Variants in LPAR1 observed in about 807,000 individuals in gnomAD.
LPAR1 encodes lysophosphatidic acid receptor 1.
In LPAR1, 5 loss-of-function variants were observed where a neutral mutation model predicts 23.8. That is an observed-to-expected ratio of 0.21 (90% CI 0.11 to 0.44). The LOEUF (loss-of-function observed/expected upper bound fraction) is 0.44, where lower values mean the gene tolerates loss of function less well. Ranked by LOEUF, LPAR1 falls within the 20% of genes least tolerant of loss-of-function variation. The probability of loss-of-function intolerance (pLI) is 0.99; values close to 1 mark genes in which losing one functional copy is unlikely to be tolerated. For synonymous variants in LPAR1, 160 were observed against 164.7 expected, an observed-to-expected ratio of 0.97 and a Z score of 0.22; for missense variants, 311 against 482.8, an observed-to-expected ratio of 0.64 and a Z score of 3.33.
intron 5 of LPAR1, among the ~76,000 whole-genome samples, chr9:110,905,241 G>A (rs184468261): frequency 6.6e-6 from 1 of 152,288 alleles, no homozygotes; most frequent in African/African-American, 2.4e-5. Context: ...GTCTGCATAG[G>A]TGGCAAGATA....
chr9:110,977,620 A>C (rs1041121507), intron 2 of LPAR1, among the ~76,000 whole-genome samples: 2 of 152,196 alleles, frequency 1.3e-5, no homozygotes, highest in East Asian at 3.9e-4. Context: ...TGACTCATAC[A>C]AGTTTCTTGA....
At chr9:110,997,906 C>T (rs189170515) in intron 2 of LPAR1, among the ~76,000 whole-genome samples, 175 of 152,262 alleles carry the variant, frequency 1.1e-3, no homozygotes, top group African/African-American at 4.1e-3. Flanking sequence ...TTAACAAGCA[C>T]CCAAAGTGGG....
At chr9:110,924,695 G>A (rs1271422188) in intron 5 of LPAR1, among the ~76,000 whole-genome samples, 3 of 151,902 alleles carry the variant, frequency 2.0e-5, no homozygotes, top group Admixed American at 2.0e-4. Context: ...GAAATGTGAT[G>A]TGATTAAAAT....
chr9:110,933,001 T>C (rs1415662687), intron 5 of LPAR1, among the ~76,000 whole-genome samples: 5 of 152,154 alleles, frequency 3.3e-5, no homozygotes, highest in Non-Finnish European at 5.9e-5. Context: ...CCTGTTACAT[T>C]CCAAAGTTCA....
In LPAR1 at chr9:110,970,629, C is replaced by T. The variant is rs115151785; in HGVS notation, c.45+1444G>A. Among the ~76,000 whole-genome samples the T allele has an allele frequency of 5.6e-3, 850 of 152,172 alleles. 9 individuals are homozygous for T. The highest frequency in any genetic ancestry group is 0.019 in the African/African-American group (796 of 41,518). ...CCCAAATGGTGTTGAGGAGAAAACACTATACTATATGAGGGAAAAATGCCC... is the reference window on the plus strand; with the variant it reads ...CCCAAATGGTGTTGAGGAGAAAACATTATACTATATGAGGGAAAAATGCCC... On this transcript the variant is annotated intron_variant, in intron 4 of 5. Coordinates refer to ENST00000683809, the MANE Select transcript of LPAR1 (RefSeq NM_001351411.2).
intron 2 of LPAR1, among the ~76,000 whole-genome samples, chr9:111,004,582 T>A (rs1467342660): frequency 6.6e-6 from 1 of 152,212 alleles, no homozygotes; most frequent in Non-Finnish European, 1.5e-5. Flanking sequence ...CATTAATCAC[T>A]CGTTTTAATT....
At position 111,038,288 on chromosome 9, in the gene LPAR1, G is replaced by C. The variant is rs902409936; in HGVS notation, c.-383C>G. ...GAGCCCGGCCCTCCGCCCGCCCCTC[G>C]GCAGTCGCCCAGAGCGGGGCCGCCC... On this transcript the variant is annotated 5_prime_UTR_variant, in exon 1 of 6. Coordinates refer to ENST00000683809, the MANE Select transcript of LPAR1 (RefSeq NM_001351411.2). This position sits in a 1 kb window ranked among gnomAD's most constrained non-coding sequence, Gnocchi z 4.4. 1.0e-4 allele frequency: 15 copies of C among 148,452 alleles called. No individual in the cohort carries two copies. The highest frequency in any genetic ancestry group is 3.2e-4 in the African/African-American group (13 of 40,974). The allele number at this position is 148,452 out of a possible 1,614,324, so 9.2% of individuals were successfully genotyped here.
intron 4 of LPAR1, among the ~76,000 whole-genome samples, chr9:110,963,535 AC>A (rs1466209237): frequency 6.6e-6 from 1 of 152,182 alleles, no homozygotes; most frequent in Admixed American, 6.5e-5. Flanking sequence ...CCTGTAAAGA[AC>A]TTCCAGAATT....
In LPAR1 at chr9:111,036,146, C is replaced by A. The variant is rs764212985; in HGVS notation, c.-206G>T. Reference sequence around the variant, plus strand: ...CCTCTGTTAGTTCTTTCCCATCACTCACAGGGAGACTGAAATCCATGCTGA... The same window carrying A: ...CCTCTGTTAGTTCTTTCCCATCACTAACAGGGAGACTGAAATCCATGCTGA... On this transcript the variant is annotated 5_prime_UTR_variant, in exon 2 of 6. Coordinates refer to ENST00000683809, the MANE Select transcript of LPAR1 (RefSeq NM_001351411.2). 3 of 152,190 alleles carry A rather than the reference C, an allele frequency of 2.0e-5. No homozygotes were observed. The highest frequency in any genetic ancestry group is 4.4e-5 in the Non-Finnish European group (3 of 68,050). The allele number at this position is 152,190 out of a possible 1,614,324, so 9.4% of individuals were successfully genotyped here.
At chr9:111,035,040 C>A (rs972364862) in intron 2 of LPAR1, among the ~76,000 whole-genome samples, 1 of 152,244 alleles carries the variant, frequency 6.6e-6, no homozygotes, top group African/African-American at 2.4e-5. Context: ...CACAACACTG[C>A]ATATACATAT....
chr9:111,001,760 A>G (rs9644902), intron 2 of LPAR1, among the ~76,000 whole-genome samples: 38,116 of 152,092 alleles, frequency 0.25, 5,797 homozygotes, highest in Non-Finnish European at 0.34. Context: ...TACAGAAACA[A>G]GAAGTTAAAA....
At chr9:111,022,907 G>C (rs1421918595) in intron 2 of LPAR1, among the ~76,000 whole-genome samples, 1 of 151,958 alleles carries the variant, frequency 6.6e-6, no homozygotes, top group Non-Finnish European at 1.5e-5. Flanking sequence ...AAAAAAATTA[G>C]CCGGGCATGG....
chr9:111,005,860 C>T (rs2097209325), intron 2 of LPAR1, among the ~76,000 whole-genome samples: 1 of 152,180 alleles, frequency 6.6e-6, no homozygotes, highest in Non-Finnish European at 1.5e-5. Context: ...CACTGCCACA[C>T]ACACATCATC....
At chr9:110,914,286 G>T (rs1248434698) in intron 5 of LPAR1, among the ~76,000 whole-genome samples, 2 of 152,324 alleles carry the variant, frequency 1.3e-5, no homozygotes, top group East Asian at 3.9e-4. Flanking sequence ...AGAAAAAGAG[G>T]TTTAATGAAC....
chr9:110,879,071 G>C (rs1386680629), intron 5 of LPAR1, among the ~76,000 whole-genome samples: 1 of 152,092 alleles, frequency 6.6e-6, no homozygotes, highest in Non-Finnish European at 1.5e-5. Flanking sequence ...TCTGATAGAA[G>C]AATCCCACAA....
chr9:110,987,613 T>C (rs1398768856), intron 2 of LPAR1, among the ~76,000 whole-genome samples: 3 of 151,210 alleles, frequency 2.0e-5, no homozygotes, highest in Non-Finnish European at 4.4e-5. Context: ...ACCTGGGGAG[T>C]AGGTAAGGAG....
chr9:110,942,544 T>C (rs186001742), intron 4 of LPAR1, among the ~76,000 whole-genome samples: 226 of 152,330 alleles, frequency 1.5e-3, no homozygotes, highest in African/African-American at 5.4e-3. Flanking sequence ...GACCTGTTAT[T>C]TAGGGAATCT....
Position 111,008,699 on chromosome 9 carries a change from C to T in LPAR1, c.-182+27423G>A, listed in dbSNP as rs2097267671. ...TACATGGATCTAGGTAGGAAAGAGT[C>T]GCCCCTGAGAATTTATATCCGGACA... On this transcript the variant is annotated intron_variant, in intron 2 of 5. Transcript: ENST00000683809. 2.6e-5 allele frequency among the ~76,000 whole-genome samples: 4 copies of T among 152,096 alleles called. No homozygotes were observed. In the South Asian group the frequency reaches 6.2e-4, roughly 24 times the overall value.
chr9:110,969,450 G>T (rs555830951), intron 4 of LPAR1, among the ~76,000 whole-genome samples: 1 of 152,204 alleles, frequency 6.6e-6, no homozygotes, highest in South Asian at 2.1e-4. Flanking sequence ...AGTGGCTCAT[G>T]GCTGTAATCC....
Sources: allele counts gnomAD v4.1 joint callset (sites outside exome capture counted in the v4.1 genomes callset), GRCh38; gene constraint gnomAD v4.1.1; non-coding constraint Gnocchi (gnomAD v3.1); transcripts MANE v1.5; gene names NCBI Gene and HGNC (gene_info 2026-07-23, HGNC 2026-07-21).